Variants in SREBF2 observed in about 807,000 individuals in gnomAD.
The protein encoded by SREBF2 is sterol regulatory element-binding protein 2.
Under a neutral mutation model 113.1 loss-of-function variants are expected in SREBF2, and 55 were observed. The ratio of observed to expected loss-of-function variants is 0.49; its 90% CI spans 0.39 to 0.61. The LOEUF (loss-of-function observed/expected upper bound fraction) is 0.61. Ranked by LOEUF, SREBF2 falls within the 20% of genes least tolerant of loss-of-function variation. The pLI, the probability that SREBF2 is intolerant of heterozygous loss-of-function variation, is 0.00. For synonymous variants in SREBF2, 593 were observed against 605.7 expected, an observed-to-expected ratio of 0.98 and a Z score of 0.31; for missense variants, 1,349 against 1,487.4, an observed-to-expected ratio of 0.91 and a Z score of 1.53.
chr22:41,904,788 C>T, intron 17 of SREBF2, 75 bp from the exon 18 acceptor site: 1 of 1,243,838 alleles, frequency 8.0e-7, no homozygotes. Context: ...GGCGAGATGG[C>T]TCAGGGAGAG....
At chr22:41,844,123 T>TA (rs752569135) in intron 1 of SREBF2, among the ~76,000 whole-genome samples, 2 of 151,906 alleles carry the variant, frequency 1.3e-5, no homozygotes, top group Non-Finnish European at 2.9e-5. Flanking sequence ...GCTGGACACT[T>TA]AAAGTGACTT....
intron 10 of SREBF2, among the ~76,000 whole-genome samples, chr22:41,884,380 G>A (rs1421005449): frequency 1.3e-5 from 2 of 152,152 alleles, no homozygotes; most frequent in Non-Finnish European, 1.5e-5. Flanking sequence ...TAAGTGATCC[G>A]CCGGCCTTGG....
Position 41,893,101 on chromosome 22 carries a change from C to A in SREBF2, c.2209-16C>A, listed in dbSNP as rs746971392. ...CTGCCACCTTGGTGTTACCCCTGGT[C>A]CTTGTCCTTCCACAGAGCTACTTCC... On this transcript the variant is annotated splice_polypyrimidine_tract_variant and intron_variant, in intron 11 of 18. Transcript: ENST00000361204. The A allele has an allele frequency of 5.6e-6, 9 of 1,612,416 alleles. No homozygotes were observed. In the South Asian group the frequency reaches 8.8e-5, roughly 16 times the overall value.
At chr22:41,899,246 C>A in intron 15 of SREBF2, 1 of 1,075,258 alleles carries the variant, frequency 9.3e-7, no homozygotes, top group South Asian at 2.9e-5. Context: ...GCCACCTCCA[C>A]CCCCACCATC....
intron 3 of SREBF2, among the ~76,000 whole-genome samples, chr22:41,870,440 A>G (rs2077128901): frequency 6.6e-6 from 1 of 151,702 alleles, no homozygotes; most frequent in Non-Finnish European, 1.5e-5. Context: ...CCTGGGCAAC[A>G]TGGTGAAACC....
intron 11 of SREBF2, chr22:41,885,497 A>C: frequency 5.2e-6 from 1 of 193,720 alleles, no homozygotes; most frequent in Non-Finnish European, 1.1e-5. Context: ...AAGAAAAGAA[A>C]AATGAAATGA....
Position 41,833,464 on chromosome 22 carries a change from C to A in SREBF2, c.88+106C>A. ...CACCCCCCGACAGCCCCGGTTCGCG[C>A]GGGAAGAACCCCGTGCGCACGGTGC... On this transcript the variant is annotated intron_variant, in intron 1 of 18. Transcript: ENST00000361204. The surrounding 1 kb of genome is among the most constrained non-coding windows in gnomAD (Gnocchi z 4.1). 3 of 984,890 alleles carry A rather than the reference C, an allele frequency of 3.0e-6. No individual in the cohort carries two copies. The highest frequency in any genetic ancestry group is 4.4e-6 in the Non-Finnish European group (3 of 676,770). 61.0% of individuals were successfully genotyped at this position (984,890 alleles called of 1,614,324 possible). A position where few individuals can be genotyped will look rare whatever the true frequency, so the allele number is the denominator to read the frequency against.
intron 11 of SREBF2, 128 bp downstream of exon 11, chr22:41,885,139 A>C: frequency 8.7e-7 from 1 of 1,145,842 alleles, no homozygotes; most frequent in Non-Finnish European, 1.3e-6. Flanking sequence ...GTAGGCAGGC[A>C]TTCATTCAGT....
At chr22:41,870,759 T>G (rs1470260648) in intron 3 of SREBF2, 130 bp from the exon 4 acceptor site, 1 of 1,330,926 alleles carries the variant, frequency 7.5e-7, no homozygotes, top group Non-Finnish European at 1.0e-6. Context: ...CCTGTTCATT[T>G]TTTTATTCTC....
intron 1 of SREBF2, among the ~76,000 whole-genome samples, chr22:41,856,579 G>A (rs1249652174): frequency 6.6e-6 from 1 of 152,152 alleles, no homozygotes; most frequent in African/African-American, 2.4e-5. Flanking sequence ...AAAGGAAGAG[G>A]GTGGTCACAA....
intron 1 of SREBF2, among the ~76,000 whole-genome samples, chr22:41,841,114 G>T (rs994713320): frequency 4.6e-5 from 7 of 152,190 alleles, no homozygotes; most frequent in Non-Finnish European, 7.3e-5. Context: ...TGGCCAACTG[G>T]CTGAGCTAGG....
intron 4 of SREBF2, among the ~76,000 whole-genome samples, chr22:41,871,592 A>C (rs924081155): frequency 1.3e-5 from 2 of 152,212 alleles, no homozygotes; most frequent in African/African-American, 4.8e-5. Context: ...ATGCCTAGCA[A>C]TTAAAAAACA....
At chr22:41,844,033 TACACACACACAC>T (rs71311415) in intron 1 of SREBF2, among the ~76,000 whole-genome samples, 5 of 123,106 alleles carry the variant, frequency 4.1e-5, no homozygotes, top group East Asian at 2.2e-4. Context: ...AAAAAATACA[TACACACACACAC>T]ACACACACAC....
chr22:41,889,991 T>C (rs2077342500), intron 11 of SREBF2, among the ~76,000 whole-genome samples: 1 of 151,922 alleles, frequency 6.6e-6, no homozygotes. Context: ...AGACTCTGTC[T>C]CAAAAGAAAG....
Position 41,850,029 on chromosome 22 carries a change from A to G in SREBF2, c.88+16671A>G, listed in dbSNP as rs147380069. ...GTGGCACACACCTGTAGTCCCAGCT[A>G]CTCGGGAGGCTGAGGCGAGAGAATC... On this transcript the variant is annotated intron_variant, in intron 1 of 18. Transcript: ENST00000361204. 4.9e-4 allele frequency among the ~76,000 whole-genome samples: 74 copies of G among 152,122 alleles called. 1 individual carries two copies. The highest frequency in any genetic ancestry group is 1.7e-3 in the African/African-American group (70 of 41,490).
chr22:41,845,072 AG>A (rs1432299993), intron 1 of SREBF2, among the ~76,000 whole-genome samples: 1 of 151,864 alleles, frequency 6.6e-6, no homozygotes, highest in Non-Finnish European at 1.5e-5. Context: ...CTGGGATTAC[AG>A]GTGTGTGCCA....
rs1217006170 is a variant in SREBF2, at chr22:41,878,940, GGT to G, written c.1761+824_1761+825del. On this transcript the variant is annotated intron_variant, in intron 9 of 18. Coordinates refer to ENST00000361204, the MANE Select transcript of SREBF2 (RefSeq NM_004599.4). ...GATGTATATCCTAGAGGCAGGTTCA[GGT>G]GTGTGTTTTACAAGCATCATTATGG... 5.3e-5 allele frequency among the ~76,000 whole-genome samples: 8 copies of G among 152,350 alleles called. No homozygotes were observed. The East Asian group carries it at 1.4e-3, about 26-fold the overall frequency.
chr22:41,882,929 C>T (rs1276928466), intron 10 of SREBF2, among the ~76,000 whole-genome samples: 2 of 152,162 alleles, frequency 1.3e-5, no homozygotes, highest in Non-Finnish European at 2.9e-5. Flanking sequence ...CACGGGGAGA[C>T]TCCATCTCTC....
intron 10 of SREBF2, among the ~76,000 whole-genome samples, chr22:41,882,166 AC>A (rs2077252258): frequency 6.6e-6 from 1 of 152,190 alleles, no homozygotes; most frequent in Non-Finnish European, 1.5e-5. Context: ...TGCTGAAAGG[AC>A]AGATGAGAGG....
Sources: allele counts gnomAD v4.1 joint callset (sites outside exome capture counted in the v4.1 genomes callset), GRCh38; gene constraint gnomAD v4.1.1; non-coding constraint Gnocchi (gnomAD v3.1); transcripts MANE v1.5; gene names NCBI Gene and HGNC (gene_info 2026-07-23, HGNC 2026-07-21).